PRKG1: variants seen among roughly 807,000 people sequenced by gnomAD.
PRKG1 encodes the protein protein kinase cGMP-dependent 1, also known as cGMP-dependent protein kinase 1.
In PRKG1, 35 loss-of-function variants were observed where a neutral mutation model predicts 88.1. That is an observed-to-expected ratio of 0.40 (90% CI 0.30 to 0.53). The LOEUF (loss-of-function observed/expected upper bound fraction) is 0.53. Among genes scored for constraint, PRKG1 ranks in the 20% least tolerant of loss-of-function variants. PRKG1 has a pLI of 0.59. For synonymous variants in PRKG1, 303 were observed against 292.5 expected (o/e 1.04, Z -0.37); for missense variants, 540 against 839.8 (o/e 0.64, Z 4.41).
intron 5 of PRKG1, among the ~76,000 whole-genome samples, chr10:51,918,163 A>G (rs1195270987): frequency 1.3e-5 from 2 of 152,100 alleles, no homozygotes; most frequent in Non-Finnish European, 2.9e-5. Flanking sequence ...AGCGAATTAA[A>G]TGGGGAAGTA....
chr10:52,053,446 C>G (rs145839103), intron 5 of PRKG1, among the ~76,000 whole-genome samples: 21 of 152,222 alleles, frequency 1.4e-4, no homozygotes, highest in African/African-American at 4.3e-4. Flanking sequence ...AACCATCAGT[C>G]TAATGGATAC....
At chr10:51,205,979 G>T (rs753644609) in intron 2 of PRKG1, among the ~76,000 whole-genome samples, 2 of 152,106 alleles carry the variant, frequency 1.3e-5, no homozygotes, top group Non-Finnish European at 2.9e-5. Context: ...GTGTGGATGG[G>T]TGGTTAAATT....
intron 4 of PRKG1, among the ~76,000 whole-genome samples, chr10:51,905,873 T>C (rs1342065881): frequency 1.3e-5 from 2 of 152,218 alleles, no homozygotes; most frequent in Non-Finnish European, 2.9e-5. Context: ...TTGTTTGTTA[T>C]TTATAAATCG....
At chr10:52,191,680 A>G (rs1028061779) in intron 9 of PRKG1, among the ~76,000 whole-genome samples, 5 of 152,188 alleles carry the variant, frequency 3.3e-5, no homozygotes, top group Admixed American at 2.6e-4. Flanking sequence ...TAAAAGGCCA[A>G]TAGTGCTTGG....
At chr10:51,027,088 G>T (rs973834293) in intron 1 of PRKG1, among the ~76,000 whole-genome samples, 8 of 152,144 alleles carry the variant, frequency 5.3e-5, no homozygotes, top group African/African-American at 1.9e-4. Context: ...CTTGTTAAAA[G>T]ATCATGAAGA....
At chr10:52,150,183 A>AATTATTATTATTATTATTATT (rs60620444) in intron 8 of PRKG1, among the ~76,000 whole-genome samples, 35 of 147,988 alleles carry the variant, frequency 2.4e-4, no homozygotes, top group Middle Eastern at 3.6e-3. Context: ...TAATAATAAT[A>AATTATTATTATTATTATTATT]ATTTGATTGG....
At chr10:51,468,019 T>G in intron 3 of PRKG1, 183 bp downstream of exon 3, 1 of 542,058 alleles carries the variant, frequency 1.8e-6, no homozygotes. Flanking sequence ...CAATCAGTTT[T>G]GTATAATTAC....
chr10:52,087,694 C>G (rs925406528), intron 7 of PRKG1, among the ~76,000 whole-genome samples: 1 of 152,098 alleles, frequency 6.6e-6, no homozygotes, highest in African/African-American at 2.4e-5. Flanking sequence ...CAGAATAAAG[C>G]TACATTTATG....
chr10:51,995,174 T>C (rs1198072218), intron 5 of PRKG1, among the ~76,000 whole-genome samples: 1 of 152,144 alleles, frequency 6.6e-6, no homozygotes, highest in African/African-American at 2.4e-5. Flanking sequence ...TTGCCTAGTA[T>C]TAACAACAAA....
rs752412264 is a variant in PRKG1 at position 51,578,980 on chromosome 10, G to GTTTTTTTTTTTTTTTTTTTTTT, written c.592+111151_592+111172dup. On this transcript the variant is annotated intron_variant, in intron 3 of 17. Transcript: ENST00000373980. ...GAAGAGTTTGGAATAAGTTCTGTTG[G>GTTTTTTTTTTTTTTTTTTTTTT]TTTTTTTTTTTTTTTTTTTTTTTTT... Among the ~76,000 whole-genome samples the GTTTTTTTTTTTTTTTTTTTTTT allele has an allele frequency of 2.1e-4, 16 of 77,826 alleles. 2 individuals are homozygous for GTTTTTTTTTTTTTTTTTTTTTT. Among genetic ancestry groups the GTTTTTTTTTTTTTTTTTTTTTT allele is most frequent in the South Asian group, 5.1e-4 (1 of 1,974 alleles). 51.1% of individuals were successfully genotyped at this position (77,826 alleles called of 152,430 possible). A position where few individuals can be genotyped will look rare whatever the true frequency, so the allele number is the denominator to read the frequency against.
chr10:51,195,558 T>C (rs996907365), intron 2 of PRKG1, among the ~76,000 whole-genome samples: 6 of 152,176 alleles, frequency 3.9e-5, no homozygotes, highest in African/African-American at 1.4e-4. Context: ...TTTTTATTAG[T>C]CAATAAGTTC....
intron 3 of PRKG1, among the ~76,000 whole-genome samples, chr10:51,490,614 G>T (rs1388446053): frequency 6.6e-6 from 1 of 152,100 alleles, no homozygotes; most frequent in Non-Finnish European, 1.5e-5. Context: ...CTAATAAGGA[G>T]CTGAGACTAT....
intron 2 of PRKG1, among the ~76,000 whole-genome samples, chr10:51,186,116 T>C (rs1475670359): frequency 2.6e-5 from 4 of 151,980 alleles, no homozygotes; most frequent in Non-Finnish European, 5.9e-5. Flanking sequence ...TTTCTTATTC[T>C]ACATTTTTTC....
At chr10:51,487,125 A>G (rs1366519012) in intron 3 of PRKG1, among the ~76,000 whole-genome samples, 1 of 152,260 alleles carries the variant, frequency 6.6e-6, no homozygotes, top group East Asian at 1.9e-4. Flanking sequence ...TAAACCTTAT[A>G]AATACTGCCA....
At chr10:51,126,153 AT>A (rs1401193875) in intron 1 of PRKG1, among the ~76,000 whole-genome samples, 3 of 118,642 alleles carry the variant, frequency 2.5e-5, no homozygotes, top group South Asian at 2.5e-4. Context: ...ATATTATATA[AT>A]TTTTTATATG....
At chr10:51,351,358 A>C (rs954490848) in intron 2 of PRKG1, among the ~76,000 whole-genome samples, 1 of 152,172 alleles carries the variant, frequency 6.6e-6, no homozygotes, top group African/African-American at 2.4e-5. Context: ...TGGTTGAACT[A>C]ATTTACATTC....
intron 3 of PRKG1, among the ~76,000 whole-genome samples, chr10:51,515,031 T>G (rs10997886): frequency 0.25 from 37,275 of 152,038 alleles, 4,956 homozygotes; most frequent in Admixed American, 0.33. Flanking sequence ...CAAGTAAAGT[T>G]GTCTCTAGAT....
At chr10:51,597,524 C>G (rs10998425) in intron 3 of PRKG1, among the ~76,000 whole-genome samples, 10,920 of 152,170 alleles carry the variant, frequency 0.072, 1,284 homozygotes, top group African/African-American at 0.25. Flanking sequence ...ATCTCATATT[C>G]CTTCATAAAT....
intron 3 of PRKG1, among the ~76,000 whole-genome samples, chr10:51,678,085 T>C (rs1840755907): frequency 6.6e-6 from 1 of 152,126 alleles, no homozygotes; most frequent in South Asian, 2.1e-4. Flanking sequence ...AATTAGAAAA[T>C]GAAGAGCTGA....
Sources: allele counts gnomAD v4.1 joint callset (sites outside exome capture counted in the v4.1 genomes callset), GRCh38; gene constraint gnomAD v4.1.1; transcripts MANE v1.5; gene names NCBI Gene and HGNC (gene_info 2026-07-23, HGNC 2026-07-21).